Variants in NLRP14 observed in about 807,000 individuals in gnomAD.
The protein encoded by NLRP14 is NACHT, LRR and PYD domains-containing protein 14.
A neutral mutation model predicts 94.7 loss-of-function variants in NLRP14; 105 were observed. The ratio of observed to expected loss-of-function variants is 1.11; its 90% confidence interval spans 0.95 to 1.30. NLRP14 has a LOEUF of 1.30. Among genes scored for constraint, NLRP14 ranks in the 50% most tolerant of loss-of-function variants. The pLI, the probability that NLRP14 is intolerant of heterozygous loss-of-function variation, is 0.00. For missense variants in NLRP14, 1,362 were observed against 1,254.1 expected (o/e 1.09, Z -1.30); for synonymous variants, 508 against 459.9 (o/e 1.10, Z -1.34).
chr11:7,080,977 CAGTT>C, the NLRP14 span, among the ~76,000 whole-genome samples: 13 of 151,486 alleles, frequency 8.6e-5, no homozygotes, highest in African/African-American at 2.4e-4. Context: ...TGGAATCTCT[CAGTT>C]AGGAGGGGAG....
At chr11:7,045,275 T>C (rs1852330754) in intron 4 of NLRP14, among the ~76,000 whole-genome samples, 1 of 152,198 alleles carries the variant, frequency 6.6e-6, no homozygotes, top group African/African-American at 2.4e-5. Flanking sequence ...TTAAAGAAGA[T>C]GTGATTTAAC....
downstream of NLRP14, among the ~76,000 whole-genome samples, chr11:7,075,254 C>T (rs1050742855): frequency 1.1e-4 from 16 of 152,168 alleles, no homozygotes; most frequent in Admixed American, 3.3e-4. Flanking sequence ...AGCACTATCA[C>T]GAAATTTAAA....
chr11:7,073,265 AT>A (rs1230414896), downstream of NLRP14, among the ~76,000 whole-genome samples: 2 of 152,200 alleles, frequency 1.3e-5, no homozygotes, highest in Admixed American at 6.5e-5. Flanking sequence ...GTGTCAAAGA[AT>A]TTGTGGCCTT....
In NLRP14 at chr11:7,038,622, TTTTGGGCTGCTATTGTA is replaced by T; in HGVS notation, c.42_58del (p.Leu15GlyfsTer21). On this transcript the variant is annotated frameshift_variant, in exon 2 of 12. Coordinates refer to ENST00000299481, the MANE Select transcript of NLRP14 (RefSeq NM_176822.4). LOFTEE classifies it high-confidence loss of function. ...CATCATCATCTTCTTTCTTTCCTGA[TTTTGGGCTGCTATTGTA>T]TTTGGAGGAGCTAAACAAAGAGGAA... The T allele has an allele frequency of 6.2e-7, 1 of 1,614,094 alleles. No homozygotes were observed.
At chr11:7,057,887 T>C in intron 7 of NLRP14, 40 bp downstream of exon 7, 1 of 1,562,272 alleles carries the variant, frequency 6.4e-7, no homozygotes, top group Non-Finnish European at 8.8e-7. Flanking sequence ...GTCATTTTGC[T>C]TGGTTCTGTG....
intron 1 of NLRP14, among the ~76,000 whole-genome samples, chr11:7,034,889 C>A (rs1457830658): frequency 6.6e-6 from 1 of 152,174 alleles, no homozygotes; most frequent in South Asian, 2.1e-4. Context: ...TGAATTATTT[C>A]CTCCCAATTA....
chr11:7,038,898 C>T (rs183315820), intron 2 of NLRP14, 23 bp downstream of exon 2: 111 of 1,610,612 alleles, frequency 6.9e-5, no homozygotes, highest in East Asian at 2.7e-4. Context: ...AGGGGCAAAT[C>T]GGGGGCTAGG....
the NLRP14 span, chr11:7,089,532 G>T: frequency 8.3e-7 from 1 of 1,208,028 alleles, no homozygotes; most frequent in Non-Finnish European, 1.0e-6. Context: ...GGCGGATTTC[G>T]ACCTGCGGCC....
intron 2 of NLRP14, among the ~76,000 whole-genome samples, 170 bp downstream of exon 2, chr11:7,039,045 G>T (rs187654886): frequency 6.6e-6 from 1 of 152,114 alleles, no homozygotes; most frequent in Non-Finnish European, 1.5e-5. Context: ...GGAAGGAAAG[G>T]CAGAAGCGTT....
the NLRP14 span, among the ~76,000 whole-genome samples, chr11:7,077,386 A>C: frequency 6.6e-6 from 1 of 152,256 alleles, no homozygotes; most frequent in Non-Finnish European, 1.5e-5. Flanking sequence ...CAATTTCGCC[A>C]ATCTGGGCCG....
chr11:7,086,070 T>C, the NLRP14 span, among the ~76,000 whole-genome samples: 2 of 152,338 alleles, frequency 1.3e-5, no homozygotes, highest in East Asian at 1.9e-4. Context: ...AGAAATAGTG[T>C]TGTTGAATCC....
intron 6 of NLRP14, among the ~76,000 whole-genome samples, chr11:7,050,300 C>A (rs1852423265): frequency 6.6e-6 from 1 of 152,118 alleles, no homozygotes; most frequent in Admixed American, 6.5e-5. Context: ...CAGTGACCAG[C>A]CCAGAAGGCT....
intron 6 of NLRP14, among the ~76,000 whole-genome samples, chr11:7,051,432 A>G (rs907618508): frequency 1.3e-5 from 2 of 151,962 alleles, no homozygotes; most frequent in African/African-American, 4.8e-5. Context: ...TTGATGTTAT[A>G]CTCTCTCTGT....
chr11:7,065,975 T>C (rs1018085620), intron 10 of NLRP14, among the ~76,000 whole-genome samples: 1 of 152,168 alleles, frequency 6.6e-6, no homozygotes, highest in African/African-American at 2.4e-5. Flanking sequence ...TTTCTGTTCT[T>C]GTGTTAGTTT....
chr11:7,038,573 A>G lies in NLRP14; in HGVS notation c.-14A>G. Reference sequence around the variant, plus strand: ...TTTTTTTTCCCCCCACAGAGGCCTGAATATTTGGACAAGATGGCAGATTCA... The same window carrying G: ...TTTTTTTTCCCCCCACAGAGGCCTGGATATTTGGACAAGATGGCAGATTCA... On this transcript the variant is annotated 5_prime_UTR_variant, in exon 2 of 12. Coordinates refer to ENST00000299481, the MANE Select transcript of NLRP14 (RefSeq NM_176822.4). 1 of 1,612,996 alleles carries G rather than the reference A, an allele frequency of 6.2e-7. No individual in the cohort carries two copies. The highest frequency in any genetic ancestry group is 1.7e-5 in the Admixed American group (1 of 60,022).
rs781206349 is a variant in NLRP14 at position 7,042,772 on chromosome 11, A to G, written c.746A>G (p.Tyr249Cys). Reference sequence around the variant, plus strand: ...GAAGGCCCCATTGAAGAAATCATGTACCAGCCAAGTAGCCTCTTGTTTATT... The same window carrying G: ...GAAGGCCCCATTGAAGAAATCATGTGCCAGCCAAGTAGCCTCTTGTTTATT... ...STEGPIEEIM[Y>C]QPSSLLFIID... is the part of the protein sequence containing the mutation. Residue 249 changes from tyrosine (Y) to cysteine (C), a missense_variant, in exon 4 of 12, where the codon TAC (tyrosine) becomes TGC (cysteine). Transcript: ENST00000299481. 1.9e-6 allele frequency: 3 copies of G among 1,614,230 alleles called. No homozygotes were observed. Among genetic ancestry groups the G allele is most frequent in the South Asian group, 1.1e-5 (1 of 91,088 alleles).
chr11:7,056,828 A>G (rs1038109154), intron 6 of NLRP14, among the ~76,000 whole-genome samples: 1 of 152,004 alleles, frequency 6.6e-6, no homozygotes, highest in Non-Finnish European at 1.5e-5. Context: ...TTAGTGCAAA[A>G]GTAATTGTGG....
At chr11:7,037,552 G>C (rs1042183241) in intron 1 of NLRP14, among the ~76,000 whole-genome samples, 4 of 152,164 alleles carry the variant, frequency 2.6e-5, no homozygotes, top group Non-Finnish European at 5.9e-5. Context: ...CACCAAAACA[G>C]ATTAAGAAAA....
chr11:7,064,643 G>C (rs1228413143), intron 10 of NLRP14, among the ~76,000 whole-genome samples: 2 of 152,022 alleles, frequency 1.3e-5, no homozygotes, highest in African/African-American at 4.8e-5. Flanking sequence ...TCATACAAAT[G>C]GGAGAGAGAG....
Sources: allele counts gnomAD v4.1 joint callset (sites outside exome capture counted in the v4.1 genomes callset), GRCh38; gene constraint gnomAD v4.1.1; transcripts MANE v1.5; gene names NCBI Gene and HGNC (gene_info 2026-07-23, HGNC 2026-07-21).